Variants in CDK17 observed in about 807,000 individuals in gnomAD.
CDK17 encodes the protein cyclin-dependent kinase 17.
A neutral mutation model predicts 77.6 loss-of-function variants in CDK17; 24 were observed. The observed-to-expected ratio is 0.31, with a 90% CI of 0.22 to 0.44. The LOEUF (loss-of-function observed/expected upper bound fraction) is 0.44, where lower values mean the gene tolerates loss of function less well. CDK17 is among the 20% of genes least tolerant of loss of function. CDK17 has a pLI of 1.00. For missense variants in CDK17, 429 were observed against 622.5 expected (o/e 0.69, Z 3.31); for synonymous variants, 203 against 210.4 (o/e 0.96, Z 0.30).
At chr12:96,376,652 A>G (rs911800151) in intron 1 of CDK17, among the ~76,000 whole-genome samples, 2 of 152,222 alleles carry the variant, frequency 1.3e-5, no homozygotes, top group African/African-American at 4.8e-5. Flanking sequence ...TCATCACCCT[A>G]TATTAGGCAG....
chr12:96,378,654 G>C (rs1953826211), intron 1 of CDK17, among the ~76,000 whole-genome samples: 1 of 152,178 alleles, frequency 6.6e-6, no homozygotes, highest in African/African-American at 2.4e-5. Flanking sequence ...TGTTCAAATA[G>C]AAAATGTTAC....
chr12:96,336,957 G>A (rs1953049598), intron 1 of CDK17, among the ~76,000 whole-genome samples: 1 of 151,976 alleles, frequency 6.6e-6, no homozygotes, highest in Non-Finnish European at 1.5e-5. Flanking sequence ...TGATCTTTTT[G>A]TATGCTTAGT....
chr12:96,388,819 C>G (rs975222092), intron 1 of CDK17, among the ~76,000 whole-genome samples: 11 of 152,102 alleles, frequency 7.2e-5, no homozygotes, highest in African/African-American at 1.7e-4. Context: ...GGGGAGGCCT[C>G]GGGAAGCTTT....
At chr12:96,383,724 A>G (rs916225277) in intron 1 of CDK17, among the ~76,000 whole-genome samples, 6 of 152,214 alleles carry the variant, frequency 3.9e-5, no homozygotes, top group African/African-American at 1.4e-4. Flanking sequence ...ATAGGCATAC[A>G]CAGAAGAATG....
At chr12:96,387,085 G>A in intron 1 of CDK17, 1 of 341,210 alleles carries the variant, frequency 2.9e-6, no homozygotes, top group Non-Finnish European at 5.8e-6. Context: ...TTTAAGATGT[G>A]TATCACGGTG....
intron 1 of CDK17, among the ~76,000 whole-genome samples, chr12:96,378,638 A>G (rs545188555): frequency 1.3e-5 from 2 of 152,252 alleles, no homozygotes; most frequent in South Asian, 4.1e-4. Flanking sequence ...AAGATCTACA[A>G]TTGCTTGTTC....
chr12:96,390,708 C>CA (rs71097285), intron 1 of CDK17, among the ~76,000 whole-genome samples: 4,481 of 43,042 alleles, frequency 0.1, 250 homozygotes, highest in Non-Finnish European at 0.13. Context: ...GACTCCATCT[C>CA]AAAAAAAAAA....
chr12:96,327,818 G>A (rs1201076128), intron 2 of CDK17, among the ~76,000 whole-genome samples: 1 of 152,036 alleles, frequency 6.6e-6, no homozygotes, highest in Non-Finnish European at 1.5e-5. Context: ...CCAAAGCACT[G>A]GGATTACAAT....
Position 96,306,275 on chromosome 12 carries a change from TATG to T in CDK17, c.543+4774_543+4776del, listed in dbSNP as rs1488333851. On this transcript the variant is annotated intron_variant, in intron 5 of 16. Coordinates refer to ENST00000261211, the MANE Select transcript of CDK17 (RefSeq NM_002595.5). Reference sequence around the variant, plus strand: ...CTCATTATATATTGCCATTAGAAAATATGAAAATAGGCCAGGAGAGGTAGCTTA... The same window carrying T: ...CTCATTATATATTGCCATTAGAAAATAAAATAGGCCAGGAGAGGTAGCTTA... 5.3e-5 allele frequency among the ~76,000 whole-genome samples: 8 copies of T among 152,168 alleles called. No homozygotes were observed. The Middle Eastern group carries it at 0.01, about 194-fold the overall frequency.
intron 5 of CDK17, chr12:96,303,584 A>C (rs1006969609): frequency 6.6e-6 from 1 of 152,084 alleles, no homozygotes; most frequent in African/African-American, 2.4e-5. Flanking sequence ...TTTTTCTGAT[A>C]TTTCACTGTT....
chr12:96,312,830 A>G (rs1952660953), intron 4 of CDK17, among the ~76,000 whole-genome samples: 1 of 152,208 alleles, frequency 6.6e-6, no homozygotes, highest in Non-Finnish European at 1.5e-5. Context: ...CAGTAGGTAC[A>G]GTGAACCACA....
chr12:96,319,002 A>G (rs1377541855), intron 3 of CDK17, among the ~76,000 whole-genome samples: 1 of 148,982 alleles, frequency 6.7e-6, no homozygotes, highest in Non-Finnish European at 1.5e-5. Flanking sequence ...AAATCAATGA[A>G]TCCAGGAGCT....
intron 1 of CDK17, among the ~76,000 whole-genome samples, chr12:96,383,107 C>T (rs1223514478): frequency 1.3e-5 from 2 of 152,096 alleles, no homozygotes; most frequent in East Asian, 3.8e-4. Context: ...AGTAGCATTT[C>T]TATATTACAA....
At chr12:96,290,638 C>A (rs930928031) in intron 10 of CDK17, among the ~76,000 whole-genome samples, 2 of 152,082 alleles carry the variant, frequency 1.3e-5, no homozygotes, top group Admixed American at 6.5e-5. Context: ...ATTTTCATAC[C>A]AATTTTGGTA....
intron 1 of CDK17, among the ~76,000 whole-genome samples, chr12:96,375,428 A>G (rs1373789622): frequency 6.7e-6 from 1 of 148,966 alleles, no homozygotes. Context: ...TTTTTCTTCT[A>G]TGTTTCCTCC....
intron 1 of CDK17, among the ~76,000 whole-genome samples, chr12:96,340,766 C>A (rs995745768): frequency 6.6e-6 from 1 of 152,090 alleles, no homozygotes; most frequent in African/African-American, 2.4e-5. Context: ...AAAATTGGAA[C>A]ACTCAAGAGT....
intron 3 of CDK17, among the ~76,000 whole-genome samples, chr12:96,319,183 A>C (rs758700483): frequency 0.057 from 8,718 of 151,756 alleles, 331 homozygotes; most frequent in East Asian, 0.13. Flanking sequence ...GTACGCAAAT[A>C]AACTAGAAAA....
chr12:96,339,343 T>C (rs1038742929), intron 1 of CDK17, among the ~76,000 whole-genome samples: 1 of 151,706 alleles, frequency 6.6e-6, no homozygotes, highest in Non-Finnish European at 1.5e-5. Flanking sequence ...AAATACACAG[T>C]GGACTTTGGT....
intron 1 of CDK17, among the ~76,000 whole-genome samples, chr12:96,399,650 G>A (rs1290632729): frequency 4.1e-4 from 63 of 152,212 alleles, no homozygotes; most frequent in Non-Finnish European, 7.4e-5. Context: ...GCCTCGCGAG[G>A]AGACCGGCCT....
Sources: allele counts gnomAD v4.1 joint callset (sites outside exome capture counted in the v4.1 genomes callset), GRCh38; gene constraint gnomAD v4.1.1; transcripts MANE v1.5; gene names NCBI Gene and HGNC (gene_info 2026-07-23, HGNC 2026-07-21).